Variants in ATP1A4 observed in about 807,000 individuals in gnomAD.
ATP1A4 encodes the protein ATPase Na+/K+ transporting subunit alpha 4.
A neutral mutation model predicts 114.3 loss-of-function variants in ATP1A4; 90 were observed. The observed-to-expected ratio is 0.79, with a 90% CI of 0.66 to 0.94. The LOEUF is 0.94. Ranked by LOEUF, ATP1A4 falls within the 40% of genes least tolerant of loss-of-function variation. The probability of loss-of-function intolerance (pLI) is 0.00; values close to 1 mark genes in which losing one functional copy is unlikely to be tolerated. For missense variants in ATP1A4, 1,222 were observed against 1,313.6 expected (o/e 0.93, Z 1.08); for synonymous variants, 511 against 494.1 (o/e 1.03, Z -0.45).
At position 160,160,796 on chromosome 1, in the gene ATP1A4, G is replaced by A. The variant is rs180823472; in HGVS notation, c.778+1270G>A. Among the ~76,000 whole-genome samples the A allele has an allele frequency of 1.8e-3, 271 of 152,194 alleles. 1 individual carries two copies. Among genetic ancestry groups the A allele is most frequent in the African/African-American group, 6.0e-3 (249 of 41,510 alleles). Reference sequence around the variant, plus strand: ...TTTGAAAATACCTTAAAGAAGAAGCGTAATGTTAAGACAGAATAGACTATG... The same window carrying A: ...TTTGAAAATACCTTAAAGAAGAAGCATAATGTTAAGACAGAATAGACTATG... On this transcript the variant is annotated intron_variant, in intron 6 of 21. Coordinates refer to ENST00000368081, the MANE Select transcript of ATP1A4 (RefSeq NM_144699.4).
At chr1:160,152,293 C>A in intron 1 of ATP1A4, 106 bp downstream of exon 1, 1 of 1,253,310 alleles carries the variant, frequency 8.0e-7, no homozygotes, top group Non-Finnish European at 1.1e-6. Context: ...AGAGCCACAT[C>A]TCTTCTCTGT....
chr1:160,160,781 C>T (rs1411423635), intron 6 of ATP1A4, among the ~76,000 whole-genome samples: 1 of 151,858 alleles, frequency 6.6e-6, no homozygotes, highest in African/African-American at 2.4e-5. Flanking sequence ...TTTGAAAATA[C>T]CTTAAAGAAG....
Position 160,153,168 on chromosome 1 carries a change from G to T in ATP1A4, c.151G>T (p.Asp51Tyr). The part of the protein sequence containing the change: ...EELKKEVVMD[D>Y]HKLTLEELST... ...AATGCCTCTACTGTCCCCTCAGGATGATCACAAATTAACCTTGGAAGAGCT... is the reference window on the plus strand; with the variant it reads ...AATGCCTCTACTGTCCCCTCAGGATTATCACAAATTAACCTTGGAAGAGCT... The change falls in exon 2 of 22, where the codon GAT becomes TAT. Residue 51 changes from aspartate (D) to tyrosine (Y), a missense_variant. Transcript: ENST00000368081. The T allele has an allele frequency of 6.2e-7, 1 of 1,613,888 alleles. No individual in the cohort carries two copies.
chr1:160,158,916 G>A (rs993431001), intron 4 of ATP1A4, 86 bp from the exon 5 acceptor site: 21 of 1,436,544 alleles, frequency 1.5e-5, no homozygotes, highest in Non-Finnish European at 2.0e-5. Flanking sequence ...AAGGAGGAGG[G>A]AGACCAATAA....
chr1:160,182,391 G>A (rs776306753), intron 20 of ATP1A4, among the ~76,000 whole-genome samples: 2 of 152,190 alleles, frequency 1.3e-5, no homozygotes, highest in Non-Finnish European at 2.9e-5. Context: ...AGCTAATTCT[G>A]TTGTACTTAT....
intron 10 of ATP1A4, among the ~76,000 whole-genome samples, chr1:160,167,781 C>T (rs898517858): frequency 2.6e-5 from 4 of 152,200 alleles, no homozygotes; most frequent in Admixed American, 2.0e-4. Context: ...AGGAGATTTG[C>T]CGCTGCAGTA....
intron 1 of ATP1A4, 102 bp from the exon 2 acceptor site, chr1:160,153,063 C>A: frequency 2.2e-6 from 2 of 904,880 alleles, no homozygotes; most frequent in Non-Finnish European, 3.6e-6. Context: ...CAAAATGGAG[C>A]AGTCTCAGTT....
chr1:160,160,660 AG>A (rs1246627350), intron 6 of ATP1A4, among the ~76,000 whole-genome samples: 1 of 152,182 alleles, frequency 6.6e-6, no homozygotes, highest in African/African-American at 2.4e-5. Context: ...ACCATATCCA[AG>A]AGTACAACTC....
intron 6 of ATP1A4, among the ~76,000 whole-genome samples, chr1:160,162,071 A>T (rs1460740150): frequency 6.6e-6 from 1 of 152,228 alleles, no homozygotes; most frequent in Non-Finnish European, 1.5e-5. Flanking sequence ...ACAGTTTAGT[A>T]AGTGCTTTCA....
At chr1:160,180,108 A>G (rs1359614797) in intron 18 of ATP1A4, among the ~76,000 whole-genome samples, 1 of 152,252 alleles carries the variant, frequency 6.6e-6, no homozygotes, top group Non-Finnish European at 1.5e-5. Flanking sequence ...AAACAAGGAC[A>G]GAAGTAATCG....
At chr1:160,158,328 G>A (rs1983725) in intron 4 of ATP1A4, among the ~76,000 whole-genome samples, 84,861 of 151,884 alleles carry the variant, frequency 0.56, 24,521 homozygotes, top group Admixed American at 0.64. Flanking sequence ...TGTTCATAGG[G>A]TGGCAGAGGA....
In ATP1A4 at chr1:160,171,290, G is replaced by C; in HGVS notation, c.1531G>C (p.Val511Leu). The change falls in exon 11 of 22, where the codon GTA becomes CTA. Residue 511 changes from valine to leucine, a missense_variant. Coordinates refer to ENST00000368081, the MANE Select transcript of ATP1A4 (RefSeq NM_144699.4). ...HLREDSSQTH[V>L]LMMKGAPERI... ...TCGGGAGGACAGCTCCCAGACCCAC[G>C]TACTGATGATGAAGGGTGCTCCGGA... The C allele has an allele frequency of 1.2e-6, 2 of 1,613,946 alleles. No homozygotes were observed. The highest frequency in any genetic ancestry group is 1.1e-5 in the South Asian group (1 of 91,068).
intron 10 of ATP1A4, among the ~76,000 whole-genome samples, chr1:160,167,701 A>T (rs1653094299): frequency 1.3e-5 from 2 of 152,288 alleles, no homozygotes; most frequent in South Asian, 4.1e-4. Context: ...GTCTGTAGAC[A>T]GCAGAAGCTG....
intron 10 of ATP1A4, among the ~76,000 whole-genome samples, chr1:160,168,402 G>A (rs1372319007): frequency 4.1e-4 from 21 of 51,080 alleles, no homozygotes; most frequent in African/African-American, 1.1e-3. Flanking sequence ...TTTTTTTTGA[G>A]AAGGAGTTTT....
In ATP1A4 at chr1:160,177,407, C is replaced by A. The variant is rs2101651410; in HGVS notation, c.2591-112C>A. The stretch of plus-strand genomic sequence containing the variant: ...AGATTCTTCCGCATTACTCTTCAGA[C>A]ACACACCAGCCCAGCCAGAAGCAAG... On this transcript the variant is annotated intron_variant, in intron 17 of 21. Transcript: ENST00000368081. The A allele has an allele frequency of 7.0e-6, 8 of 1,141,064 alleles. No homozygotes were observed. In the South Asian group the frequency reaches 1.2e-4, roughly 17 times the overall value. 70.7% of individuals were successfully genotyped at this position (1,141,064 alleles called of 1,614,324 possible).
At chr1:160,165,804 A>G (rs1653009387) in intron 7 of ATP1A4, among the ~76,000 whole-genome samples, 2 of 152,228 alleles carry the variant, frequency 1.3e-5, no homozygotes, top group Admixed American at 6.5e-5. Context: ...ATACCACCAT[A>G]AAAGATTAGC....
rs141961417 is a variant in ATP1A4 at position 160,156,059 on chromosome 1, C to T, written c.426C>T (p.Ile142=). 2.4e-5 allele frequency: 38 copies of T among 1,612,314 alleles called. No homozygotes were observed. Among genetic ancestry groups the T allele is most frequent in the South Asian group, 7.7e-5 (7 of 91,040 alleles). The change falls in exon 4 of 22, where the codon ATC becomes ATT. Residue 142 remains isoleucine (I), a synonymous_variant. Coordinates refer to ENST00000368081, the MANE Select transcript of ATP1A4 (RefSeq NM_144699.4). ...EPTKDNLYLS[I]VLSVVVIVTG... ...CCCACCCTCAGCTCTACCTGAGCAT[C>T]GTACTGTCCGTCGTGGTCATCGTCA...
At chr1:160,171,845 C>A in intron 12 of ATP1A4, 88 bp downstream of exon 12, 1 of 1,344,568 alleles carries the variant, frequency 7.4e-7, no homozygotes, top group Non-Finnish European at 1.0e-6. Flanking sequence ...ATGCTTAATA[C>A]CCTTAGTTTA....
intron 7 of ATP1A4, among the ~76,000 whole-genome samples, chr1:160,164,900 G>A (rs766919536): frequency 9.2e-5 from 14 of 152,114 alleles, no homozygotes; most frequent in South Asian, 2.1e-4. Flanking sequence ...GTCTCAATTC[G>A]TTTCATTGTT....
Sources: gnomAD v4.1 joint callset for allele counts (sites outside exome capture counted in the v4.1 genomes callset) on GRCh38, gnomAD v4.1.1 for gene constraint, MANE v1.5 for transcripts, NCBI Gene and HGNC (gene_info 2026-07-23, HGNC 2026-07-21) for gene names.